Variants in LHFPL1 observed in about 807,000 individuals in gnomAD.
LHFPL1 encodes the protein LHFPL tetraspan subfamily member 1 protein.
A neutral mutation model predicts 12.1 loss-of-function variants in LHFPL1; 4 were observed. The observed-to-expected ratio is 0.33, with a 90% CI of 0.16 to 0.76. LHFPL1 has a LOEUF of 0.76. Among genes scored for constraint, LHFPL1 ranks in the 30% least tolerant of loss-of-function variants. The pLI is 0.61. For missense variants in LHFPL1, 141 were observed against 174.1 expected (o/e 0.81, Z 1.07); for synonymous variants, 52 against 61.9 (o/e 0.84, Z 0.75).
At chrX:112,660,204 T>C (rs1359454662) in intron 3 of LHFPL1, among the ~76,000 whole-genome samples, 1 of 112,500 alleles carries the variant, frequency 8.9e-6, no homozygotes, top group Non-Finnish European at 1.9e-5. Flanking sequence ...AATATTTATC[T>C]AGGTTCCTCA....
intron 3 of LHFPL1, among the ~76,000 whole-genome samples, chrX:112,641,413 C>CACA (rs1365813580): frequency 9.8e-5 from 11 of 111,764 alleles, no homozygotes; most frequent in African/African-American, 3.6e-4. Flanking sequence ...GAGACTGAGC[C>CACA]CAGGTCTGTG....
chrX:112,646,056 T>G (rs1375010564), intron 3 of LHFPL1, among the ~76,000 whole-genome samples: 1 of 111,705 alleles, frequency 9.0e-6, no homozygotes, highest in Non-Finnish European at 1.9e-5. Context: ...CCTCTCAGTT[T>G]AAGTTTCAGT....
rs181399243 is a variant in LHFPL1, at chrX:112,635,731, T to A, written c.482-4130A>T. On this transcript the variant is annotated intron_variant, in intron 3 of 3. Transcript: ENST00000371968. ...GGTAAGCCTTTGTAGATGCTACATT[T>A]CATCTTGGCTTTAGTAGTAGGAAGT... 8.0e-5 allele frequency among the ~76,000 whole-genome samples: 9 copies of A among 112,216 alleles called. No individual in the cohort carries two copies. In the East Asian group the frequency reaches 2.5e-3, roughly 31 times the overall value.
In LHFPL1 at chrX:112,660,624, T is replaced by A; in HGVS notation, c.481+3A>T. Reference sequence around the variant, plus strand: ...TCACTGCCATCTGCCCAGGCCACCTTACCTAACTGAAATTGATTGGAGACA... The same window carrying A: ...TCACTGCCATCTGCCCAGGCCACCTAACCTAACTGAAATTGATTGGAGACA... On this transcript the variant is annotated splice_donor_region_variant and intron_variant, in intron 3 of 3. Coordinates refer to ENST00000371968, the MANE Select transcript of LHFPL1 (RefSeq NM_178175.4). 2 of 1,203,036 alleles carry A rather than the reference T, an allele frequency of 1.7e-6. No individual in the cohort carries two copies. Among genetic ancestry groups the A allele is most frequent in the East Asian group, 5.9e-5 (2 of 33,800 alleles).
chrX:112,646,863 G>T (rs144546909), intron 3 of LHFPL1, among the ~76,000 whole-genome samples: 3,670 of 111,129 alleles, frequency 0.033, 113 homozygotes, highest in East Asian at 0.18. Flanking sequence ...ATTCTCAAAT[G>T]ACTCAAGACA....
At chrX:112,670,492 G>A (rs1016239222) in intron 2 of LHFPL1, among the ~76,000 whole-genome samples, 3 of 112,411 alleles carry the variant, frequency 2.7e-5, no homozygotes, top group African/African-American at 6.5e-5. Flanking sequence ...CTTAGATGTG[G>A]TCCAGATAAG....
intron 2 of LHFPL1, among the ~76,000 whole-genome samples, chrX:112,666,168 C>T (rs1931326988): frequency 8.9e-6 from 1 of 111,947 alleles, no homozygotes; most frequent in African/African-American, 3.3e-5. Context: ...ATTTACTGCC[C>T]TGAGCAGAAG....
At chrX:112,655,578 G>A (rs963043208) in intron 3 of LHFPL1, among the ~76,000 whole-genome samples, 1 of 111,349 alleles carries the variant, frequency 9.0e-6, no homozygotes, top group African/African-American at 3.3e-5. Flanking sequence ...GATAATGCCC[G>A]CCTCTATTCT....
intron 2 of LHFPL1, among the ~76,000 whole-genome samples, chrX:112,661,937 CTGAT>C (rs1425657197): frequency 4.5e-5 from 5 of 112,109 alleles, no homozygotes; most frequent in Non-Finnish European, 9.4e-5. Context: ...GCTGAGCAAA[CTGAT>C]TGGTAGAGGG....
chrX:112,639,497 T>C (rs1056318225), intron 3 of LHFPL1, among the ~76,000 whole-genome samples: 1 of 111,512 alleles, frequency 9.0e-6, no homozygotes, highest in African/African-American at 3.3e-5. Flanking sequence ...CCAGGACACT[T>C]GCTAGAAAGT....
At chrX:112,663,535 C>T (rs1055763171) in intron 2 of LHFPL1, among the ~76,000 whole-genome samples, 1 of 111,347 alleles carries the variant, frequency 9.0e-6, no homozygotes, top group Non-Finnish European at 1.9e-5. Flanking sequence ...GAAAGGAAAA[C>T]GTTTTTGGAC....
chrX:112,666,263 ATCT>A (rs1375255190), intron 2 of LHFPL1, among the ~76,000 whole-genome samples: 7 of 111,280 alleles, frequency 6.3e-5, no homozygotes, highest in Non-Finnish European at 1.1e-4. Flanking sequence ...TTTCAACTAT[ATCT>A]CAGCTTTCCC....
intron 1 of LHFPL1, among the ~76,000 whole-genome samples, chrX:112,672,796 T>C (rs1418891333): frequency 8.9e-6 from 1 of 111,992 alleles, no homozygotes; most frequent in African/African-American, 3.2e-5. Flanking sequence ...AGGCAGTCCA[T>C]TTCAAGTTTG....
At chrX:112,637,245 T>G (rs1182438061) in intron 3 of LHFPL1, among the ~76,000 whole-genome samples, 1 of 112,231 alleles carries the variant, frequency 8.9e-6, no homozygotes, top group East Asian at 2.8e-4. Context: ...CAAATTGGAT[T>G]GGAATTTGAC....
intron 2 of LHFPL1, among the ~76,000 whole-genome samples, chrX:112,670,714 T>C (rs978882179): frequency 3.6e-5 from 4 of 112,110 alleles, no homozygotes; most frequent in Non-Finnish European, 7.5e-5. Context: ...GGCAGACATA[T>C]TAATAGATAA....
intron 2 of LHFPL1, among the ~76,000 whole-genome samples, chrX:112,666,003 T>C (rs1602690597): frequency 1.8e-5 from 2 of 112,114 alleles, no homozygotes; most frequent in South Asian, 3.8e-4. Context: ...AACCTCCTCA[T>C]TGGGTATTAC....
chrX:112,666,829 T>C (rs1931350000), intron 2 of LHFPL1, among the ~76,000 whole-genome samples: 2 of 111,581 alleles, frequency 1.8e-5, no homozygotes, highest in South Asian at 7.6e-4. Context: ...AAGCGGTTCA[T>C]GGACCACTGT....
chrX:112,664,120 C>T (rs1158744072), intron 2 of LHFPL1, among the ~76,000 whole-genome samples: 1 of 111,864 alleles, frequency 8.9e-6, no homozygotes, highest in Non-Finnish European at 1.9e-5. Flanking sequence ...ATACCTAATG[C>T]AATGTAAATG....
chrX:112,671,317 G>C lies in LHFPL1; in HGVS notation c.74C>G (p.Thr25Ser). Residue 25 changes from threonine (T) to serine (S), a missense_variant, in exon 2 of 4, where the codon ACC becomes AGC. Thr to Ser is a moderately conservative substitution (Grantham distance 58, BLOSUM62 1). Coordinates refer to ENST00000371968, the MANE Select transcript of LHFPL1 (RefSeq NM_178175.4). ...LSLVTAVTSS[T>S]SYFLPYWLFG... Reference sequence around the variant, plus strand: ...GAGCCAGTAAGGTAGGAAGTAACTGGTAGAACTGGTCACAGCAGTAACAAG... The same window carrying C: ...GAGCCAGTAAGGTAGGAAGTAACTGCTAGAACTGGTCACAGCAGTAACAAG... 8.3e-7 allele frequency: 1 copy of C among 1,211,956 alleles called. No homozygotes were observed.
Sources: allele counts gnomAD v4.1 joint callset (sites outside exome capture counted in the v4.1 genomes callset), GRCh38; gene constraint gnomAD v4.1.1; transcripts MANE v1.5; gene names NCBI Gene and HGNC (gene_info 2026-07-23, HGNC 2026-07-21).